The following FOCAD variants were observed in gnomAD, a reference collection of about 807,000 sequenced individuals.
FOCAD encodes KIAA1797.
In FOCAD, 198 loss-of-function variants were observed where a neutral mutation model predicts 225.6. The observed-to-expected ratio is 0.88, with a 90% CI of 0.78 to 0.99. FOCAD has a LOEUF of 0.99. FOCAD is among the 50% of genes least tolerant of loss of function. The pLI is 0.00. For missense variants in FOCAD, 2,713 were observed against 2,123.6 expected, an observed-to-expected ratio of 1.28 and a Z score of -5.46; for synonymous variants, 897 against 755.0, an observed-to-expected ratio of 1.19 and a Z score of -3.08.
intron 5 of FOCAD, among the ~76,000 whole-genome samples, chr9:20,756,952 G>T (rs532210692): frequency 4.6e-5 from 7 of 151,746 alleles, no homozygotes; most frequent in African/African-American, 1.7e-4. Context: ...TTTTTGAGAT[G>T]GAGTTTTGCT....
chr9:20,881,856 T>C lies in FOCAD; in HGVS notation c.2318-15T>C. ...GTATTTACTCTACTTTTGGTCTCCTTTTATCCTCTTTTAGCTTTGGAGGAA... is the reference window on the plus strand; with the variant it reads ...GTATTTACTCTACTTTTGGTCTCCTCTTATCCTCTTTTAGCTTTGGAGGAA... On this transcript the variant is annotated splice_polypyrimidine_tract_variant and intron_variant, in intron 19 of 43. Transcript: ENST00000338382. The C allele has an allele frequency of 1.2e-6, 2 of 1,610,642 alleles. No individual in the cohort carries two copies. The highest frequency in any genetic ancestry group is 8.5e-7 in the Non-Finnish European group (1 of 1,179,014).
rs79049435 is a variant in FOCAD, at chr9:20,886,572, C to T, written c.2625+1342C>T. ...GGCATCAGAAGTTATGAGGTGTGTC[C>T]GAGATATAAGCACAGAAAATCTTTG... On this transcript the variant is annotated intron_variant, in intron 21 of 43. Coordinates refer to ENST00000338382, the MANE Select transcript of FOCAD (RefSeq NM_001375567.1). Among the ~76,000 whole-genome samples the T allele has an allele frequency of 9.1e-3, 1,389 of 152,102 alleles. 26 individuals are homozygous for T. Among genetic ancestry groups the T allele is most frequent in the East Asian group, 0.045 (232 of 5,174 alleles).
At chr9:20,824,700 C>T (rs1427330965) in intron 15 of FOCAD, among the ~76,000 whole-genome samples, 2 of 151,904 alleles carry the variant, frequency 1.3e-5, no homozygotes, top group African/African-American at 4.8e-5. Context: ...AACTTTGTTC[C>T]TTCAAATGAG....
At chr9:20,914,382 T>C (rs1054035792) in intron 23 of FOCAD, among the ~76,000 whole-genome samples, 4 of 152,206 alleles carry the variant, frequency 2.6e-5, no homozygotes, top group African/African-American at 9.6e-5. Context: ...TGGAATATGA[T>C]AGAAGTTGAT....
chr9:20,898,602 A>C (rs747275382), intron 21 of FOCAD, among the ~76,000 whole-genome samples: 4 of 151,862 alleles, frequency 2.6e-5, no homozygotes, highest in Non-Finnish European at 5.9e-5. Context: ...CTCTCTGCTT[A>C]CATTGTTAAT....
chr9:20,828,060 A>C (rs1311022902), intron 15 of FOCAD, among the ~76,000 whole-genome samples: 1 of 151,644 alleles, frequency 6.6e-6, no homozygotes, highest in Non-Finnish European at 1.5e-5. Context: ...TTGTCCCAGC[A>C]CTCAGGAGGC....
intron 24 of FOCAD, among the ~76,000 whole-genome samples, chr9:20,919,525 C>CA (rs1395610778): frequency 6.6e-6 from 1 of 152,164 alleles, no homozygotes; most frequent in Non-Finnish European, 1.5e-5. Context: ...GCCAAAAGAA[C>CA]AAAGCAGGAG....
At chr9:20,967,938 A>G (rs1296460879) in intron 35 of FOCAD, among the ~76,000 whole-genome samples, 1 of 152,042 alleles carries the variant, frequency 6.6e-6, no homozygotes, top group African/African-American at 2.4e-5. Context: ...TTCCTTTTTT[A>G]TGATGTCTAT....
chr9:20,721,514 C>T (rs1421144835), intron 4 of FOCAD, among the ~76,000 whole-genome samples: 4 of 151,980 alleles, frequency 2.6e-5, no homozygotes, highest in Non-Finnish European at 5.9e-5. Context: ...CCAGCCTGGC[C>T]AACATGATGA....
chr9:20,700,752 G>C (rs963603654), intron 1 of FOCAD, among the ~76,000 whole-genome samples: 1 of 152,140 alleles, frequency 6.6e-6, no homozygotes, highest in Non-Finnish European at 1.5e-5. Context: ...CTTAGTTTCT[G>C]TTTTGGAAAG....
chr9:20,776,667 C>G (rs1818789605), intron 8 of FOCAD, among the ~76,000 whole-genome samples: 1 of 152,188 alleles, frequency 6.6e-6, no homozygotes, highest in South Asian at 2.1e-4. Context: ...GTTCCATCCA[C>G]TTAAAAATAC....
chr9:20,992,883 A>G lies in FOCAD; in HGVS notation c.5257-370A>G, dbSNP rs546073555. 5.9e-5 allele frequency among the ~76,000 whole-genome samples: 9 copies of G among 152,172 alleles called. No individual in the cohort carries two copies. In the South Asian group the frequency reaches 1.9e-3, roughly 32 times the overall value. On this transcript the variant is annotated intron_variant, in intron 42 of 43. Coordinates refer to ENST00000338382, the MANE Select transcript of FOCAD (RefSeq NM_001375567.1). ...GAGGCTGAGGCAGGAGAATCACTTG[A>G]ACCCAGGAGGCAGAGGTTGCAGTGA...
At chr9:20,706,296 T>C (rs1412048582) in intron 1 of FOCAD, among the ~76,000 whole-genome samples, 1 of 152,138 alleles carries the variant, frequency 6.6e-6, no homozygotes, top group Non-Finnish European at 1.5e-5. Flanking sequence ...CAGTTCTGAC[T>C]TGGAATTTCC....
intron 2 of FOCAD, among the ~76,000 whole-genome samples, chr9:20,670,702 C>G (rs559628876): frequency 6.6e-6 from 1 of 152,152 alleles, no homozygotes; most frequent in African/African-American, 2.4e-5. Flanking sequence ...GGGGACACAG[C>G]GCCAAACCAT....
intron 8 of FOCAD, among the ~76,000 whole-genome samples, chr9:20,778,089 CAA>C (rs1184354592): frequency 3.6e-5 from 3 of 84,190 alleles, no homozygotes; most frequent in Non-Finnish European, 7.0e-5. Flanking sequence ...GACTCCGTCT[CAA>C]AAAAAAAAAA....
At chr9:20,959,978 C>G (rs946528187) in intron 35 of FOCAD, among the ~76,000 whole-genome samples, 1 of 152,064 alleles carries the variant, frequency 6.6e-6, no homozygotes, top group Admixed American at 6.5e-5. Flanking sequence ...AAATTGTCTT[C>G]CTTTTTTAAT....
At chr9:20,706,748 C>T (rs1209835170) in intron 1 of FOCAD, among the ~76,000 whole-genome samples, 1 of 152,192 alleles carries the variant, frequency 6.6e-6, no homozygotes, top group Non-Finnish European at 1.5e-5. Context: ...GATATTGCAA[C>T]AAGGAGACCC....
chr9:20,815,123 G>GGTTTTTTTTTTTTTTTTTTTT lies in FOCAD; in HGVS notation c.1456-4673_1456-4672insGTTTTTTTTTTTTTTTTTTTT, dbSNP rs796702774. Among the ~76,000 whole-genome samples the GGTTTTTTTTTTTTTTTTTTTT allele has an allele frequency of 2.1e-3, 180 of 85,374 alleles. 44 individuals are homozygous for GGTTTTTTTTTTTTTTTTTTTT. The highest frequency in any genetic ancestry group is 8.5e-3 in the Middle Eastern group (1 of 118). The allele number at this position is 85,374 out of a possible 152,430, so 56.0% of individuals were successfully genotyped here. A position where few individuals can be genotyped will look rare whatever the true frequency, so the allele number is the denominator to read the frequency against. ...TCTGGAAATATCATTACTTCTCTTT[G>GGTTTTTTTTTTTTTTTTTTTT]TTTTTTTTTTTTTGTTTTTTTTTTT... is the stretch of plus-strand genomic sequence containing the variant. On this transcript the variant is annotated intron_variant, in intron 11 of 43. Transcript: ENST00000338382.
chr9:20,892,885 C>A (rs1249697498), intron 21 of FOCAD, among the ~76,000 whole-genome samples: 1 of 152,082 alleles, frequency 6.6e-6, no homozygotes, highest in East Asian at 1.9e-4. Flanking sequence ...TTGACACAGC[C>A]ATCCCAACAT....
Sources: allele counts gnomAD v4.1 joint callset (sites outside exome capture counted in the v4.1 genomes callset), GRCh38; gene constraint gnomAD v4.1.1; transcripts MANE v1.5; gene names NCBI Gene and HGNC (gene_info 2026-07-23, HGNC 2026-07-21).